Variants in NLRP1 observed in about 807,000 individuals in gnomAD.
NLRP1 encodes the protein NACHT, LRR and PYD domains-containing protein 1.
NLRP1 carries 94 observed loss-of-function variants against 136.7 expected under a neutral mutation model. That is an observed-to-expected ratio of 0.69 (90% CI 0.58 to 0.82). NLRP1 has a LOEUF of 0.82. Ranked by LOEUF, NLRP1 falls within the 40% of genes least tolerant of loss-of-function variation. NLRP1 has a pLI of 0.00. For missense variants in NLRP1, 1,575 were observed against 1,802.7 expected (o/e 0.87, Z 2.29); for synonymous variants, 690 against 725.1 (o/e 0.95, Z 0.78).
intron 5 of NLRP1, among the ~76,000 whole-genome samples, chr17:5,544,174 C>G (rs1279284546): frequency 6.6e-6 from 1 of 152,176 alleles, no homozygotes; most frequent in African/African-American, 2.4e-5. Flanking sequence ...GTGGGGCCCC[C>G]ACTCAACCTC....
At chr17:5,566,777 T>C (rs1417029030) in intron 3 of NLRP1, among the ~76,000 whole-genome samples, 1 of 152,046 alleles carries the variant, frequency 6.6e-6, no homozygotes, top group East Asian at 1.9e-4. Flanking sequence ...TCTCCAGCTA[T>C]TATTGTATTG....
At chr17:5,563,937 T>G (rs1269040304) in intron 3 of NLRP1, among the ~76,000 whole-genome samples, 2 of 152,172 alleles carry the variant, frequency 1.3e-5, no homozygotes, top group African/African-American at 2.4e-5. Context: ...AGGCTAACAG[T>G]GAACTTTTCA....
At chr17:5,518,626 C>T (rs1426661633) in intron 14 of NLRP1, 1 of 143,400 alleles carries the variant, frequency 7.0e-6, no homozygotes, top group East Asian at 2.0e-4. Context: ...CCAGGCTGGA[C>T]TTGAACTCCT....
At chr17:5,536,553 T>G (rs1281342764) in intron 8 of NLRP1, among the ~76,000 whole-genome samples, 1 of 150,678 alleles carries the variant, frequency 6.6e-6, no homozygotes, top group Non-Finnish European at 1.5e-5. Context: ...TGGGTTCAAG[T>G]TATTCTCATG....
At chr17:5,509,201 C>T (rs900412087), downstream of NLRP1, among the ~76,000 whole-genome samples, 1 of 152,202 alleles carries the variant, frequency 6.6e-6, no homozygotes, top group Admixed American at 6.5e-5. Flanking sequence ...CTAGCCTTTC[C>T]TCTTCTTCTC....
At chr17:5,544,083 C>G (rs1484259092) in intron 5 of NLRP1, among the ~76,000 whole-genome samples, 1 of 152,156 alleles carries the variant, frequency 6.6e-6, no homozygotes, top group East Asian at 1.9e-4. Flanking sequence ...GGAGCCTCAG[C>G]TCATAGGTGA....
chr17:5,551,847 G>T, intron 5 of NLRP1, among the ~76,000 whole-genome samples: 1 of 152,128 alleles, frequency 6.6e-6, no homozygotes, highest in Non-Finnish European at 1.5e-5. Flanking sequence ...ACAGCTCACT[G>T]CAGTGTTGAA....
intron 15 of NLRP1, among the ~76,000 whole-genome samples, chr17:5,506,864 T>C (rs1314663260): frequency 1.4e-5 from 2 of 138,764 alleles, no homozygotes; most frequent in Non-Finnish European, 3.0e-5. Flanking sequence ...ACTGCACCAC[T>C]GCACTCCAGC....
intron 3 of NLRP1, among the ~76,000 whole-genome samples, chr17:5,579,675 G>T (rs1465476656): frequency 6.6e-6 from 1 of 152,102 alleles, no homozygotes; most frequent in Non-Finnish European, 1.5e-5. Flanking sequence ...GCACCAGTAT[G>T]GAATCAACCA....
rs1258591560 is a variant in NLRP1, at chr17:5,583,008, A to G, written c.272-162T>C. Among the ~76,000 whole-genome samples, 3 of 152,138 alleles carry G rather than the reference A, an allele frequency of 2.0e-5. No individual in the cohort carries two copies. The highest frequency in any genetic ancestry group is 4.4e-5 in the Non-Finnish European group (3 of 68,032). ...CCTCTAGAGGCTTGTCTGAAGAATG[A>G]TGTTCTTATAGATACTGCTAGGCAA... On this transcript the variant is annotated intron_variant, in intron 1 of 16. Transcript: ENST00000572272. The surrounding 1 kb of genome is among the most constrained non-coding windows in gnomAD (Gnocchi z 4.5).
rs544581880 is a variant in NLRP1, at chr17:5,566,716, C to T, written c.653-6673G>A. Among the ~76,000 whole-genome samples, 3 of 152,112 alleles carry T rather than the reference C, an allele frequency of 2.0e-5. No individual in the cohort carries two copies. The South Asian group carries it at 6.2e-4, about 32-fold the overall frequency. On this transcript the variant is annotated intron_variant, in intron 3 of 16. Transcript: ENST00000572272. ...GCAGATTAAGTTTCATGTTTCTTTG[C>T]TGATTTTCTGTCTGGAAGATACGTC...
At chr17:5,574,659 TC>T (rs769852647) in intron 3 of NLRP1, among the ~76,000 whole-genome samples, 1 of 149,716 alleles carries the variant, frequency 6.7e-6, no homozygotes, top group South Asian at 2.1e-4. Flanking sequence ...TATTCAACAT[TC>T]TTTTTTTTTT....
At chr17:5,554,028 A>G (rs187504709) in intron 4 of NLRP1, among the ~76,000 whole-genome samples, 44 of 152,224 alleles carry the variant, frequency 2.9e-4, no homozygotes, top group African/African-American at 1.0e-3. Flanking sequence ...TGGCACAGAC[A>G]TTCTGGAGTC....
Position 5,559,823 on chromosome 17 carries a change from G to C in NLRP1, c.873C>G (p.Ser291Arg), listed in dbSNP as rs1383914987. The change falls in exon 4 of 17, where the codon AGC becomes AGG. Residue 291 changes from serine to arginine, a missense_variant. Transcript: ENST00000572272. ...LLLLQRPHPR[S>R]QDPLVKRSWP... ...AGCTTCTCTTGACCAGGGGATCTTG[G>C]CTTCTGGGGTGAGGTCTTTGTAGAA... 1 of 1,614,220 alleles carries C rather than the reference G, an allele frequency of 6.2e-7. No individual in the cohort carries two copies.
At chr17:5,518,950 T>C (rs1908506878) in intron 14 of NLRP1, among the ~76,000 whole-genome samples, 1 of 151,926 alleles carries the variant, frequency 6.6e-6, no homozygotes, top group Non-Finnish European at 1.5e-5. Flanking sequence ...GCAATTCTCC[T>C]GCCTCAGCCT....
intron 4 of NLRP1, among the ~76,000 whole-genome samples, chr17:5,554,197 G>A (rs1913749772): frequency 6.6e-6 from 1 of 152,164 alleles, no homozygotes; most frequent in Non-Finnish European, 1.5e-5. Context: ...GGGTCTGCAG[G>A]AGAGGGATGG....
chr17:5,580,708 T>A (rs1905544453), intron 3 of NLRP1, among the ~76,000 whole-genome samples: 1 of 152,242 alleles, frequency 6.6e-6, no homozygotes, highest in Admixed American at 6.5e-5. Flanking sequence ...GTCTTTATAT[T>A]CTTCCTATCT....
rs1347475072 is a variant in NLRP1, at chr17:5,558,409, G to T, written c.2287C>A (p.His763Asn). The T allele has an allele frequency of 6.2e-7, 1 of 1,614,012 alleles. No homozygotes were observed. The highest frequency in any genetic ancestry group is 8.5e-7 in the Non-Finnish European group (1 of 1,180,030). Residue 763 changes from histidine (H) to asparagine (N), a missense_variant, in exon 4 of 17, where the codon CAC (histidine) becomes AAC (asparagine). Transcript: ENST00000572272. ...TCAATCAGCTGAAGCTTCTTCACGT[G>T]GCGGCTGAATTTAATGCAGAAAGTG... ...VCTFCIKFSR[H>N]VKKLQLIEGR... is the part of the protein sequence containing the mutation.
At chr17:5,502,874 GGAA>G (rs1907157988) in intron 15 of NLRP1, 1 of 151,782 alleles carries the variant, frequency 6.6e-6, no homozygotes, top group East Asian at 2.0e-4. Context: ...AGAGAGAAAC[GGAA>G]GGACATGTAG....
Sources: allele counts gnomAD v4.1 joint callset (sites outside exome capture counted in the v4.1 genomes callset), GRCh38; gene constraint gnomAD v4.1.1; non-coding constraint Gnocchi (gnomAD v3.1); transcripts MANE v1.5; gene names NCBI Gene and HGNC (gene_info 2026-07-23, HGNC 2026-07-21).